Variants in USP32 observed in about 807,000 individuals in gnomAD.
The protein encoded by USP32 is ubiquitin carboxyl-terminal hydrolase 32.
A neutral mutation model predicts 204.8 loss-of-function variants in USP32; 59 were observed. That is an observed-to-expected ratio of 0.29 (90% CI 0.23 to 0.36). The LOEUF is 0.36. Among genes scored for constraint, USP32 ranks in the 10% least tolerant of loss-of-function variants. USP32 has a pLI of 1.00. For missense variants in USP32, 1,160 were observed against 1,946.4 expected (o/e 0.60, Z 7.60); for synonymous variants, 517 against 678.4 (o/e 0.76, Z 3.70).
intron 2 of USP32, among the ~76,000 whole-genome samples, chr17:60,342,756 T>G (rs2088690339): frequency 6.6e-6 from 1 of 152,230 alleles, no homozygotes; most frequent in Admixed American, 6.5e-5. Context: ...GAATCTCCTC[T>G]GCTGGTTGCT....
intron 1 of USP32, among the ~76,000 whole-genome samples, chr17:60,414,851 C>T (rs79506968): frequency 6.8e-6 from 1 of 147,006 alleles, no homozygotes; most frequent in African/African-American, 2.5e-5. Context: ...TCTTTTCTTT[C>T]TTTCTTTTTT....
chr17:60,252,492 C>T (rs940116435), intron 10 of USP32, 50 bp from the exon 11 acceptor site: 1 of 1,391,276 alleles, frequency 7.2e-7, no homozygotes, highest in African/African-American at 1.4e-5. Flanking sequence ...TAATATTTCA[C>T]ATTATCTGCA....
intron 3 of USP32, among the ~76,000 whole-genome samples, chr17:60,298,516 G>A (rs2087495610): frequency 6.6e-6 from 1 of 152,044 alleles, no homozygotes; most frequent in South Asian, 2.1e-4. Flanking sequence ...TATGTAAATA[G>A]TTGTTATAGT....
intron 1 of USP32, among the ~76,000 whole-genome samples, chr17:60,365,716 TATTA>T (rs1401224879): frequency 6.6e-6 from 1 of 152,102 alleles, no homozygotes; most frequent in Non-Finnish European, 1.5e-5. Flanking sequence ...ACAAAGTAAT[TATTA>T]AAAGAATGCA....
At chr17:60,232,494 T>TC (rs1598109244) in intron 12 of USP32, among the ~76,000 whole-genome samples, 1 of 150,824 alleles carries the variant, frequency 6.6e-6, no homozygotes, top group East Asian at 1.9e-4. Context: ...TTTTTTTTTT[T>TC]TTAAACAAGG....
At chr17:60,293,755 G>C (rs920354399) in intron 4 of USP32, among the ~76,000 whole-genome samples, 2 of 152,152 alleles carry the variant, frequency 1.3e-5, no homozygotes, top group Admixed American at 6.5e-5. Context: ...TATACAGTCA[G>C]GAAGGCAGAG....
At chr17:60,301,379 C>T (rs1567839143) in intron 3 of USP32, 2 of 331,234 alleles carry the variant, frequency 6.0e-6, no homozygotes, top group East Asian at 6.5e-5. Flanking sequence ...AGGCTTTTTA[C>T]TTTTAGCCAC....
intron 19 of USP32, 58 bp from the exon 20 acceptor site, chr17:60,211,572 C>T (rs2084968396): frequency 3.2e-6 from 5 of 1,546,762 alleles, no homozygotes; most frequent in Non-Finnish European, 4.3e-6. Flanking sequence ...ATGGCACAAA[C>T]AGTTACTTAT....
In USP32 at chr17:60,246,411, A is replaced by ATT. The variant is rs199852454; in HGVS notation, c.1136+5969_1136+5970insAA. On this transcript the variant is annotated intron_variant, in intron 11 of 33. Coordinates refer to ENST00000300896, the MANE Select transcript of USP32 (RefSeq NM_032582.4). ...TGTATGTGTGTGTGTATATATATAT[A>ATT]TATTTTTTTTTTTTCTTTATCCATT... 4.2e-3 allele frequency among the ~76,000 whole-genome samples: 618 copies of ATT among 145,860 alleles called. 6 individuals are homozygous for ATT. The highest frequency in any genetic ancestry group is 0.016 in the African/African-American group (583 of 37,256).
intron 2 of USP32, among the ~76,000 whole-genome samples, chr17:60,339,190 C>A (rs2088595145): frequency 6.6e-6 from 1 of 151,822 alleles, no homozygotes; most frequent in African/African-American, 2.4e-5. Context: ...GGATTGCAGG[C>A]ATGAGCCACC....
At position 60,193,026 on chromosome 17, in the gene USP32, A is replaced by C. The variant is rs940587459; in HGVS notation, c.3435-96T>G. Reference sequence around the variant, plus strand: ...TCTTGAAGTAACCCTAGGAAGGGGCATTTGCCATAGCAGTACGCTCATGTT... The same window carrying C: ...TCTTGAAGTAACCCTAGGAAGGGGCCTTTGCCATAGCAGTACGCTCATGTT... On this transcript the variant is annotated intron_variant, in intron 27 of 33. Transcript: ENST00000300896. The C allele has an allele frequency of 3.0e-6, 4 of 1,321,248 alleles. No individual in the cohort carries two copies. The African/African-American group carries it at 5.8e-5, about 19-fold the overall frequency. 81.8% of individuals were successfully genotyped at this position (1,321,248 alleles called of 1,614,324 possible).
At chr17:60,384,253 T>C (rs2146122058) in intron 1 of USP32, among the ~76,000 whole-genome samples, 1 of 152,336 alleles carries the variant, frequency 6.6e-6, no homozygotes, top group Non-Finnish European at 1.5e-5. Flanking sequence ...TCCAGACCCT[T>C]TCACGAGTCA....
At chr17:60,270,101 T>C (rs1209314693) in intron 6 of USP32, among the ~76,000 whole-genome samples, 1 of 152,344 alleles carries the variant, frequency 6.6e-6, no homozygotes, top group Non-Finnish European at 1.5e-5. Context: ...CTTTTATACA[T>C]GAATATTTTA....
rs978117520 is a variant in USP32 at position 60,346,021 on chromosome 17, G to A, written c.59-413C>T. On this transcript the variant is annotated intron_variant, in intron 1 of 33. Transcript: ENST00000300896. ...ATAAAAAGAAAAAAAAAGAAAAATT[G>A]GCAAGCATTACACTTCTTTTTTGGT... Among the ~76,000 whole-genome samples the A allele has an allele frequency of 5.8e-4, 88 of 151,802 alleles. 1 individual carries two copies. Among genetic ancestry groups the A allele is most frequent in the African/African-American group, 2.1e-3 (86 of 41,350 alleles).
At chr17:60,195,082 T>C (rs756990616) in intron 27 of USP32, among the ~76,000 whole-genome samples, 7 of 152,240 alleles carry the variant, frequency 4.6e-5, no homozygotes, top group Non-Finnish European at 1.0e-4. Flanking sequence ...CTTTACCAAG[T>C]ACCACTAGAA....
Position 60,402,567 on chromosome 17 carries a change from T to C in USP32, c.106+19679A>G, listed in dbSNP as rs2089944469. Among the ~76,000 whole-genome samples the C allele has an allele frequency of 3.9e-5, 6 of 152,194 alleles. No individual in the cohort carries two copies. The South Asian group carries it at 1.2e-3, about 32-fold the overall frequency. ...CTGGTCCTTATTGATCAGTTATTCTTCTGAAACGCTAAATTAGTAATCAGA... is the reference window on the plus strand; with the variant it reads ...CTGGTCCTTATTGATCAGTTATTCTCCTGAAACGCTAAATTAGTAATCAGA... On this transcript the variant is annotated intron_variant, in intron 1 of 3. Coordinates refer to the USP32 transcript ENST00000588898.
chr17:60,335,661 C>T (rs1414107901), intron 2 of USP32, among the ~76,000 whole-genome samples: 1 of 143,168 alleles, frequency 7.0e-6, no homozygotes, highest in Non-Finnish European at 1.5e-5. Flanking sequence ...CAAGAGAGTA[C>T]GTTCATTGGT....
chr17:60,255,298 CTTTTTTTTTTT>C (rs747340163), intron 9 of USP32, 40 bp from the exon 10 acceptor site: 1 of 1,100,794 alleles, frequency 9.1e-7, no homozygotes, highest in Admixed American at 2.5e-5. Context: ...TCTTTTTTTT[CTTTTTTTTTTT>C]TTTTTTGAGA....
intron 5 of USP32, among the ~76,000 whole-genome samples, chr17:60,282,189 A>G (rs959756063): frequency 6.6e-6 from 1 of 152,232 alleles, no homozygotes; most frequent in African/African-American, 2.4e-5. Context: ...ATGTATTTAA[A>G]GCAAACTGAC....
Sources: allele counts gnomAD v4.1 joint callset (sites outside exome capture counted in the v4.1 genomes callset), GRCh38; gene constraint gnomAD v4.1.1; transcripts MANE v1.5; gene names NCBI Gene and HGNC (gene_info 2026-07-23, HGNC 2026-07-21).